The following BBX variants were observed in gnomAD, a reference collection of about 807,000 sequenced individuals.
BBX encodes BBX high mobility group box domain containing.
In BBX, 30 loss-of-function variants were observed where a neutral mutation model predicts 100.2. The ratio of observed to expected loss-of-function variants is 0.30; its 90% CI spans 0.22 to 0.41. The LOEUF is 0.41. BBX is among the 10% of genes least tolerant of loss of function. BBX has a pLI of 1.00. For missense variants in BBX, 1,023 were observed against 1,129.8 expected, an observed-to-expected ratio of 0.91 and a Z score of 1.35; for synonymous variants, 376 against 388.1, an observed-to-expected ratio of 0.97 and a Z score of 0.37.
At chr3:107,628,862 T>G (rs1037575789) in intron 2 of BBX, among the ~76,000 whole-genome samples, 1 of 152,194 alleles carries the variant, frequency 6.6e-6, no homozygotes, top group Admixed American at 6.5e-5. Flanking sequence ...AGAAACTCCA[T>G]GTATTAGTAC....
At chr3:107,530,883 A>G (rs754417231) in intron 2 of BBX, among the ~76,000 whole-genome samples, 1 of 152,264 alleles carries the variant, frequency 6.6e-6, no homozygotes, top group Non-Finnish European at 1.5e-5. Flanking sequence ...AACAAAAAAT[A>G]CTAGGTATTA....
chr3:107,796,018 C>T (rs948350021), intron 15 of BBX, among the ~76,000 whole-genome samples: 26 of 152,076 alleles, frequency 1.7e-4, no homozygotes, highest in African/African-American at 5.8e-4. Flanking sequence ...TGTTGTTGCC[C>T]CTGGCCAGAT....
At chr3:107,723,389 G>A (rs1337972001) in intron 5 of BBX, among the ~76,000 whole-genome samples, 1 of 151,572 alleles carries the variant, frequency 6.6e-6, no homozygotes, top group African/African-American at 2.4e-5. Flanking sequence ...GTAATGTTGA[G>A]ACTCCATTTT....
Position 107,755,610 on chromosome 3 carries a change from A to C in BBX, c.838A>C (p.Thr280Pro). The C allele has an allele frequency of 6.2e-7, 1 of 1,613,788 alleles. No homozygotes were observed. Among genetic ancestry groups the C allele is most frequent in the Non-Finnish European group, 8.5e-7 (1 of 1,179,752 alleles). Residue 280 changes from threonine to proline, a missense_variant, in exon 10 of 18, where the codon ACT becomes CCT. By Grantham distance (38) the Thr-to-Pro change is conservative. This residue lies in a region of BBX where 95 missense variants were observed against 95.1 expected (regional missense o/e 1.00). Transcript: ENST00000325805. ...GTCTTTAATATAGATTTCTTCAAAC[A>C]CTTCGCAGTTGGGTGGTGCTGAGCC... ...LFQFAEISSNTSQLGGAEPVK... is the reference protein window; with the variant it reads ...LFQFAEISSNPSQLGGAEPVK...
chr3:107,658,280 A>G (rs2058257077), intron 3 of BBX, among the ~76,000 whole-genome samples: 1 of 152,172 alleles, frequency 6.6e-6, no homozygotes, highest in Admixed American at 6.5e-5. Context: ...TTCTTTAAAT[A>G]TGTTACCTTA....
intron 2 of BBX, among the ~76,000 whole-genome samples, chr3:107,582,136 A>C (rs1297363933): frequency 6.6e-6 from 1 of 152,080 alleles, no homozygotes; most frequent in African/African-American, 2.4e-5. Context: ...CTTTTTAAAA[A>C]AAAATCACAT....
intron 2 of BBX, among the ~76,000 whole-genome samples, chr3:107,561,607 A>G (rs1576311333): frequency 6.6e-6 from 1 of 152,202 alleles, no homozygotes; most frequent in East Asian, 1.9e-4. Context: ...AAATACGCAT[A>G]TTGCAGAATA....
In BBX at chr3:107,584,063, TCATA is replaced by T. The variant is rs1559839807; in HGVS notation, c.-84+57666_-84+57669del. 7.7e-4 allele frequency among the ~76,000 whole-genome samples: 13 copies of T among 16,800 alleles called. 1 individual carries two copies. The highest frequency in any genetic ancestry group is 3.4e-3 in the African/African-American group (12 of 3,504). 11.0% of individuals were successfully genotyped at this position (16,800 alleles called of 152,430 possible). A position where few individuals can be genotyped will look rare whatever the true frequency, so the allele number is the denominator to read the frequency against. ...ATATATATTATATATATTATATATA[TCATA>T]TATTATATATATTATATATATCATA... is the stretch of plus-strand genomic sequence containing the variant. On this transcript the variant is annotated intron_variant, in intron 2 of 17. Coordinates refer to ENST00000325805, the MANE Select transcript of BBX (RefSeq NM_001142568.3).
chr3:107,703,393 CTGTT>C (rs1361270080), intron 3 of BBX, among the ~76,000 whole-genome samples: 3 of 152,134 alleles, frequency 2.0e-5, no homozygotes, highest in Non-Finnish European at 2.9e-5. Context: ...GCTTTCGTCT[CTGTT>C]TGTAGCCTAG....
At chr3:107,740,520 A>G (rs1576587308) in intron 7 of BBX, among the ~76,000 whole-genome samples, 1 of 151,938 alleles carries the variant, frequency 6.6e-6, no homozygotes, top group East Asian at 1.9e-4. Flanking sequence ...CCTGCACTCC[A>G]CTGACAGAAT....
intron 2 of BBX, among the ~76,000 whole-genome samples, chr3:107,644,214 G>A (rs969825725): frequency 6.9e-6 from 1 of 144,094 alleles, no homozygotes; most frequent in South Asian, 2.2e-4. Context: ...ACTTACTTAC[G>A]TATATAGGGA....
At chr3:107,699,004 G>A (rs1366064901) in intron 3 of BBX, among the ~76,000 whole-genome samples, 5 of 151,720 alleles carry the variant, frequency 3.3e-5, no homozygotes, top group Non-Finnish European at 7.4e-5. Flanking sequence ...TGGACTTCAG[G>A]GAACAGTCCT....
At chr3:107,670,469 A>G (rs1177706827) in intron 3 of BBX, among the ~76,000 whole-genome samples, 2 of 152,074 alleles carry the variant, frequency 1.3e-5, no homozygotes, top group Non-Finnish European at 2.9e-5. Flanking sequence ...AGGACAATGG[A>G]TATGCAATAA....
At chr3:107,800,400 A>G (rs1351615398) in intron 16 of BBX, among the ~76,000 whole-genome samples, 1 of 152,218 alleles carries the variant, frequency 6.6e-6, no homozygotes, top group Admixed American at 6.5e-5. Context: ...ATAATATTTA[A>G]AGCTTTTATC....
At chr3:107,795,176 T>C (rs1576849779) in intron 15 of BBX, among the ~76,000 whole-genome samples, 1 of 152,230 alleles carries the variant, frequency 6.6e-6, no homozygotes, top group Non-Finnish European at 1.5e-5. Flanking sequence ...TACTCAACTT[T>C]TGTGCTTGTT....
chr3:107,723,292 G>T (rs887163761), intron 5 of BBX, among the ~76,000 whole-genome samples: 1 of 151,946 alleles, frequency 6.6e-6, no homozygotes. Flanking sequence ...ACAGGCAAAC[G>T]GAGAACAGTT....
At chr3:107,617,780 G>A (rs189514512) in intron 2 of BBX, among the ~76,000 whole-genome samples, 1 of 152,006 alleles carries the variant, frequency 6.6e-6, no homozygotes, top group Non-Finnish European at 1.5e-5. Flanking sequence ...CATTTTAGAA[G>A]ATGTTTTTGT....
chr3:107,733,098 T>A, intron 7 of BBX, 75 bp downstream of exon 7: 2 of 1,307,860 alleles, frequency 1.5e-6, no homozygotes, highest in Non-Finnish European at 2.1e-6. Flanking sequence ...GTTTACGTTG[T>A]TCATTCTGCA....
chr3:107,633,150 T>C (rs2056650180), intron 2 of BBX, among the ~76,000 whole-genome samples: 1 of 152,118 alleles, frequency 6.6e-6, no homozygotes, highest in Non-Finnish European at 1.5e-5. Flanking sequence ...GTTACTATAA[T>C]AATTTTTAAT....
Sources: allele counts gnomAD v4.1 joint callset (sites outside exome capture counted in the v4.1 genomes callset), GRCh38; gene constraint gnomAD v4.1.1; regional missense constraint gnomAD v4.1.1; transcripts MANE v1.5; gene names NCBI Gene and HGNC (gene_info 2026-07-23, HGNC 2026-07-21).